Variants in CCDC3 observed in about 807,000 individuals in gnomAD.
CCDC3 encodes the protein coiled-coil domain containing 3.
A neutral mutation model predicts 21.4 loss-of-function variants in CCDC3; 24 were observed. That is an observed-to-expected ratio of 1.12 (90% confidence interval 0.81 to 1.58). The LOEUF is 1.58. Among genes scored for constraint, CCDC3 ranks in the 40% most tolerant of loss-of-function variants. The pLI is 0.00. For synonymous variants in CCDC3, 186 were observed against 166.0 expected, an observed-to-expected ratio of 1.12 and a Z score of -0.93; for missense variants, 425 against 360.9, an observed-to-expected ratio of 1.18 and a Z score of -1.44.
chr10:12,993,163 T>C (rs571782638), intron 2 of CCDC3, among the ~76,000 whole-genome samples: 2 of 152,338 alleles, frequency 1.3e-5, no homozygotes, highest in African/African-American at 4.8e-5. Flanking sequence ...TTTAAAGCAA[T>C]ACTTGAGAAT....
chr10:12,912,701 T>G (rs974498778), intron 2 of CCDC3, among the ~76,000 whole-genome samples: 2 of 152,228 alleles, frequency 1.3e-5, no homozygotes, highest in African/African-American at 4.8e-5. Context: ...ACCAATGTCA[T>G]GGAGCTCTGC....
At chr10:12,940,202 G>C (rs1388904963) in intron 2 of CCDC3, among the ~76,000 whole-genome samples, 1 of 150,124 alleles carries the variant, frequency 6.7e-6, no homozygotes, top group African/African-American at 2.4e-5. Context: ...GAAAAAGAAG[G>C]CATCTGGAGA....
At chr10:13,094,111 G>A (rs765858146) in intron 3 of CCDC3, among the ~76,000 whole-genome samples, 3 of 152,184 alleles carry the variant, frequency 2.0e-5, no homozygotes, top group Admixed American at 2.0e-4. Flanking sequence ...AGGCGGCAGG[G>A]ATTAGACAGG....
chr10:13,022,632 G>A (rs1184402488), intron 5 of CCDC3, among the ~76,000 whole-genome samples: 1 of 152,098 alleles, frequency 6.6e-6, no homozygotes. Flanking sequence ...TAATGCAAGG[G>A]GACCCTCAAT....
rs189692222 is a variant in CCDC3 at position 12,953,040 on chromosome 10, G to A, written c.549+45298C>T. Among the ~76,000 whole-genome samples the A allele has an allele frequency of 2.2e-4, 33 of 152,182 alleles. No homozygotes were observed. In the East Asian group the frequency reaches 4.2e-3, roughly 20 times the overall value. On this transcript the variant is annotated intron_variant, in intron 2 of 2. Transcript: ENST00000378825. ...GTCCTGTTGGACCCCGTATTAGGCCGTTTTCACACTGCTGATAAAGACGTA... is the reference window on the plus strand; with the variant it reads ...GTCCTGTTGGACCCCGTATTAGGCCATTTTCACACTGCTGATAAAGACGTA...
At chr10:13,090,790 T>G (rs1832558003) in intron 3 of CCDC3, among the ~76,000 whole-genome samples, 1 of 152,154 alleles carries the variant, frequency 6.6e-6, no homozygotes, top group African/African-American at 2.4e-5. Flanking sequence ...GATGCATATA[T>G]TGAAGGGAGT....
At chr10:13,041,916 C>T (rs1247608850) in intron 5 of CCDC3, among the ~76,000 whole-genome samples, 1 of 151,786 alleles carries the variant, frequency 6.6e-6, no homozygotes, top group Non-Finnish European at 1.5e-5. Flanking sequence ...TGTGAGCCAC[C>T]GTGCCCAGCC....
chr10:12,922,101 A>C (rs1403150636), intron 2 of CCDC3, among the ~76,000 whole-genome samples: 1 of 151,998 alleles, frequency 6.6e-6, no homozygotes, highest in Non-Finnish European at 1.5e-5. Flanking sequence ...CATTACCACC[A>C]TGTACAGTCC....
chr10:12,927,461 T>C (rs1474115718), intron 2 of CCDC3, among the ~76,000 whole-genome samples: 1 of 152,240 alleles, frequency 6.6e-6, no homozygotes, highest in African/African-American at 2.4e-5. Context: ...TACATCATGA[T>C]TAATATAAGG....
intron 2 of CCDC3, among the ~76,000 whole-genome samples, chr10:12,991,597 T>C (rs11597508): frequency 0.15 from 22,948 of 151,990 alleles, 2,078 homozygotes; most frequent in Admixed American, 0.26. Flanking sequence ...GCCCCCCAAA[T>C]TGCTGGGATT....
chr10:12,925,612 T>C (rs1834524569), intron 2 of CCDC3, among the ~76,000 whole-genome samples: 1 of 152,236 alleles, frequency 6.6e-6, no homozygotes, highest in Admixed American at 6.5e-5. Flanking sequence ...TCTTAAAATA[T>C]AACATACATG....
intron 2 of CCDC3, among the ~76,000 whole-genome samples, chr10:12,924,420 G>T (rs1834501403): frequency 6.6e-6 from 1 of 152,186 alleles, no homozygotes; most frequent in African/African-American, 2.4e-5. Flanking sequence ...TTTCTGAAGC[G>T]AATATTCGTT....
chr10:12,963,074 C>T (rs987225138), intron 2 of CCDC3, among the ~76,000 whole-genome samples: 7 of 152,126 alleles, frequency 4.6e-5, no homozygotes, highest in African/African-American at 1.4e-4. Flanking sequence ...TTTAAAAATA[C>T]GTCTGCAGTT....
intron 3 of CCDC3, among the ~76,000 whole-genome samples, chr10:13,096,268 T>C (rs642837): frequency 0.97 from 147,469 of 151,908 alleles, 71,755 homozygotes; most frequent in East Asian, 1. Flanking sequence ...AGCGCAACCT[T>C]TGACTCCCAG....
chr10:13,034,451 C>A (rs577356182), intron 5 of CCDC3, among the ~76,000 whole-genome samples: 1 of 151,286 alleles, frequency 6.6e-6, no homozygotes. Flanking sequence ...TGTAACAAAC[C>A]TGCACATTGT....
intron 2 of CCDC3, among the ~76,000 whole-genome samples, chr10:12,981,229 G>A (rs1380481150): frequency 5.6e-5 from 8 of 141,690 alleles, no homozygotes; most frequent in African/African-American, 1.3e-4. Context: ...GGCCAGACAG[G>A]AGTGTGGTGG....
chr10:13,072,462 C>T (rs1477606606), intron 4 of CCDC3, among the ~76,000 whole-genome samples: 1 of 152,156 alleles, frequency 6.6e-6, no homozygotes. Flanking sequence ...AATCTCCGAC[C>T]CACCCCACAA....
At chr10:12,915,244 A>G (rs933150870) in intron 2 of CCDC3, among the ~76,000 whole-genome samples, 1 of 152,216 alleles carries the variant, frequency 6.6e-6, no homozygotes, top group East Asian at 1.9e-4. Context: ...CAGAATTTTT[A>G]AATTTATTAT....
chr10:13,002,321 A>G (rs1344901423), upstream of CCDC3, among the ~76,000 whole-genome samples: 1 of 152,214 alleles, frequency 6.6e-6, no homozygotes, highest in Non-Finnish European at 1.5e-5. Flanking sequence ...CACATCAGTG[A>G]GTGAATTTGA....
Sources: allele counts gnomAD v4.1 joint callset (sites outside exome capture counted in the v4.1 genomes callset), GRCh38; gene constraint gnomAD v4.1.1; transcripts MANE v1.5; gene names NCBI Gene and HGNC (gene_info 2026-07-23, HGNC 2026-07-21).